The following ATRX variants were observed in gnomAD, a reference collection of about 807,000 sequenced individuals.
ATRX encodes the protein chromatin remodeler ATRX.
In ATRX, 12 loss-of-function variants were observed where a neutral mutation model predicts 172.6. That is an observed-to-expected ratio of 0.07 (90% CI 0.04 to 0.11). The LOEUF is 0.11. ATRX is among the 10% of genes least tolerant of loss of function. The probability of loss-of-function intolerance (pLI) is 1.00; values close to 1 mark genes in which losing one functional copy is unlikely to be tolerated. For missense variants in ATRX, 1,368 were observed against 1,767.4 expected (o/e 0.77, Z 4.05); for synonymous variants, 674 against 594.7 (o/e 1.13, Z -1.94).
At chrX:77,766,143 C>T (rs1362700758) in intron 1 of ATRX, among the ~76,000 whole-genome samples, 2 of 112,721 alleles carry the variant, frequency 1.8e-5, no homozygotes, top group Admixed American at 9.4e-5. Flanking sequence ...CCCACCTTTC[C>T]CCCCTTTCTA....
chrX:77,712,806 G>A (rs1330753639), intron 2 of ATRX, among the ~76,000 whole-genome samples: 3 of 109,129 alleles, frequency 2.7e-5, no homozygotes, highest in Non-Finnish European at 5.7e-5. Context: ...TCCAGCCTGT[G>A]TGACACAGCG....
chrX:77,758,628 T>C (rs781985490), intron 1 of ATRX, among the ~76,000 whole-genome samples: 234 of 108,217 alleles, frequency 2.2e-3, no homozygotes, highest in South Asian at 0.011. Context: ...TGTGGTGGCA[T>C]GCTCCTGTAA....
intron 1 of ATRX, among the ~76,000 whole-genome samples, chrX:77,740,010 G>A (rs376658814): frequency 8.0e-5 from 7 of 87,140 alleles, no homozygotes; most frequent in East Asian, 7.3e-4. Context: ...CCGAGATTGC[G>A]CCACTGCACT....
chrX:77,593,568 A>T, intron 26 of ATRX, 128 bp downstream of exon 26: 1 of 741,909 alleles, frequency 1.3e-6, no homozygotes, highest in Non-Finnish European at 2.0e-6. Context: ...GCCTAGCACT[A>T]CAATGACCAA....
chrX:77,644,951 A>G (rs1340907110), intron 15 of ATRX, among the ~76,000 whole-genome samples: 1 of 111,534 alleles, frequency 9.0e-6, no homozygotes. Flanking sequence ...ATCAAAACAC[A>G]TTACACACAA....
intron 9 of ATRX, among the ~76,000 whole-genome samples, chrX:77,677,774 T>A (rs1226875647): frequency 9.1e-6 from 1 of 110,421 alleles, no homozygotes; most frequent in Non-Finnish European, 1.9e-5. Flanking sequence ...TATATAGATA[T>A]GTTATCAAGA....
chrX:77,751,155 A>G (rs782704639), intron 1 of ATRX, among the ~76,000 whole-genome samples: 4 of 112,341 alleles, frequency 3.6e-5, no homozygotes, highest in Non-Finnish European at 7.5e-5. Flanking sequence ...CAAAAGTGTA[A>G]AAGTGTTCCT....
In ATRX at chrX:77,505,179, AC is replaced by A. The variant is rs1401748480; in HGVS notation, c.*3171del. ...TGGTAGAATAAGTCTCTATAGCCTC[AC>A]AACATGCTACTCTCAAAGGAAACAA... On this transcript the variant is annotated 3_prime_UTR_variant, in exon 35 of 35. Transcript: ENST00000373344. The A allele has an allele frequency of 5.8e-6, 1 of 171,808 alleles. No individual in the cohort carries two copies. The highest frequency in any genetic ancestry group is 1.1e-5 in the Non-Finnish European group (1 of 90,004). 14.2% of individuals were successfully genotyped at this position (171,808 alleles called of 1,213,427 possible). A position where few individuals can be genotyped will look rare whatever the true frequency, so the allele number is the denominator to read the frequency against.
At position 77,607,015 on chromosome X, in the gene ATRX, G is replaced by A. The variant is rs782011682; in HGVS notation, c.5567-6451C>T. On this transcript the variant is annotated intron_variant, in intron 22 of 34. Transcript: ENST00000373344. ...ATATTAAAGCTATATACGACATACC[G>A]ACAGCTAGTATCATACTGAATGGGA... Among the ~76,000 whole-genome samples, 4 of 111,378 alleles carry A rather than the reference G, an allele frequency of 3.6e-5. No individual in the cohort carries two copies. The South Asian group carries it at 1.5e-3, about 42-fold the overall frequency.
At chrX:77,696,413 C>T (rs782600674) in intron 5 of ATRX, among the ~76,000 whole-genome samples, 164 bp downstream of exon 5, 1 of 112,138 alleles carries the variant, frequency 8.9e-6, no homozygotes, top group South Asian at 3.6e-4. Context: ...ACTTCAATAA[C>T]ACATATTATC....
At chrX:77,618,384 T>G (rs782171352) in intron 21 of ATRX, among the ~76,000 whole-genome samples, 1 of 111,971 alleles carries the variant, frequency 8.9e-6, no homozygotes, top group Non-Finnish European at 1.9e-5. Flanking sequence ...CCAGGATTAC[T>G]TTAAAAGTGG....
intron 1 of ATRX, among the ~76,000 whole-genome samples, chrX:77,776,457 A>G (rs2076354286): frequency 8.9e-6 from 1 of 112,214 alleles, no homozygotes; most frequent in Non-Finnish European, 1.9e-5. Flanking sequence ...ATAATGTAAC[A>G]TATGGGTTCC....
chrX:77,596,851 A>T (rs911110475), intron 25 of ATRX: 4 of 111,420 alleles, frequency 3.6e-5, no homozygotes, highest in Non-Finnish European at 3.8e-5. Context: ...AAAAAATCTC[A>T]GTATACTCTT....
intron 1 of ATRX, among the ~76,000 whole-genome samples, chrX:77,725,850 G>A (rs2074008516): frequency 1.8e-5 from 2 of 112,670 alleles, no homozygotes; most frequent in South Asian, 7.3e-4. Context: ...AGACATTTAT[G>A]CAGCCAAAGA....
At chrX:77,724,061 T>G (rs577094530) in intron 1 of ATRX, among the ~76,000 whole-genome samples, 1 of 110,961 alleles carries the variant, frequency 9.0e-6, no homozygotes, top group Non-Finnish European at 1.9e-5. Context: ...GGCAGATCAC[T>G]TGAGGTCAGG....
intron 1 of ATRX, among the ~76,000 whole-genome samples, chrX:77,739,090 A>T (rs1234302303): frequency 9.0e-6 from 1 of 110,805 alleles, no homozygotes; most frequent in African/African-American, 3.3e-5. Context: ...CCCATCTCCC[A>T]AGCAGTACAC....
intron 16 of ATRX, 110 bp downstream of exon 16, chrX:77,635,805 C>G (rs188297639): frequency 1.4e-6 from 1 of 696,202 alleles, no homozygotes; most frequent in African/African-American, 2.2e-5. Flanking sequence ...TTCCCCACCC[C>G]ACTCACCAAT....
In ATRX at chrX:77,508,154, T is replaced by C. The variant is rs1355825367; in HGVS notation, c.*197A>G. The C allele has an allele frequency of 2.2e-6, 1 of 456,024 alleles. No homozygotes were observed. The highest frequency in any genetic ancestry group is 3.6e-6 in the Non-Finnish European group (1 of 274,561). The allele number at this position is 456,024 out of a possible 1,213,427, so 37.6% of individuals were successfully genotyped here. ...GTACTCAGCGTGTGTAAGAAGATTC[T>C]AGGCAACATCACTGACAAATGTCAG... On this transcript the variant is annotated 3_prime_UTR_variant, in exon 35 of 35. Coordinates refer to ENST00000373344, the MANE Select transcript of ATRX (RefSeq NM_000489.6).
chrX:77,645,312 A>G (rs1321231278), intron 15 of ATRX, among the ~76,000 whole-genome samples: 3 of 111,106 alleles, frequency 2.7e-5, no homozygotes, highest in Non-Finnish European at 5.7e-5. Flanking sequence ...ATAATTTTTT[A>G]ATTTTTTGTA....
Sources: gnomAD v4.1 joint callset for allele counts (sites outside exome capture counted in the v4.1 genomes callset) on GRCh38, gnomAD v4.1.1 for gene constraint, MANE v1.5 for transcripts, NCBI Gene and HGNC (gene_info 2026-07-23, HGNC 2026-07-21) for gene names.